Variants in KANK1 observed in about 807,000 individuals in gnomAD.
KANK1 encodes KN motif and ankyrin repeat domains 1.
A neutral mutation model predicts 106.2 loss-of-function variants in KANK1; 109 were observed. The observed-to-expected ratio is 1.03, with a 90% CI of 0.88 to 1.20. The LOEUF is 1.20. KANK1 is among the 50% of genes most tolerant of loss of function. The probability of loss-of-function intolerance (pLI) is 0.00; values close to 1 mark genes in which losing one functional copy is unlikely to be tolerated. For synonymous variants in KANK1, 873 were observed against 652.2 expected (o/e 1.34, Z -5.16); for missense variants, 2,399 against 1,710.7 (o/e 1.40, Z -7.10).
chr9:632,905 G>A (rs76127117), intron 1 of KANK1, among the ~76,000 whole-genome samples: 22,431 of 151,916 alleles, frequency 0.15, 1,805 homozygotes, highest in Admixed American at 0.17. Context: ...TGTTTGCCAG[G>A]CTGGTCTGGA....
intron 3 of KANK1, among the ~76,000 whole-genome samples, chr9:493,028 CAAA>C (rs112780058): frequency 7.1e-5 from 7 of 98,536 alleles, no homozygotes; most frequent in Non-Finnish European, 1.2e-4. Flanking sequence ...AACTCCGTCT[CAAA>C]AAAAAAAAAA....
At chr9:668,879 T>A (rs1845271491) in intron 1 of KANK1, among the ~76,000 whole-genome samples, 1 of 152,010 alleles carries the variant, frequency 6.6e-6, no homozygotes, top group African/African-American at 2.4e-5. Flanking sequence ...TCAACCTAGA[T>A]CCTTCGCACT....
intron 1 of KANK1, among the ~76,000 whole-genome samples, chr9:514,428 G>A (rs745442484): frequency 6.7e-5 from 10 of 150,194 alleles, no homozygotes; most frequent in Non-Finnish European, 1.3e-4. Context: ...CCCAAATGGA[G>A]CCACAGACCA....
intron 1 of KANK1, among the ~76,000 whole-genome samples, chr9:633,575 T>C (rs1390451271): frequency 6.6e-6 from 1 of 152,254 alleles, no homozygotes; most frequent in Non-Finnish European, 1.5e-5. Flanking sequence ...TAGCATTGTA[T>C]CCAGATTCCT....
At chr9:598,864 T>C (rs1000207739) in intron 1 of KANK1, among the ~76,000 whole-genome samples, 2 of 150,252 alleles carry the variant, frequency 1.3e-5, no homozygotes. Flanking sequence ...ACTCCTGACC[T>C]CAGGTGATCC....
intron 3 of KANK1, among the ~76,000 whole-genome samples, chr9:721,375 T>A (rs1274059302): frequency 6.6e-6 from 1 of 152,156 alleles, no homozygotes; most frequent in Non-Finnish European, 1.5e-5. Flanking sequence ...AAGGTCTAAT[T>A]TGAGATTCCT....
chr9:538,553 G>A (rs941864360), intron 1 of KANK1, among the ~76,000 whole-genome samples: 10 of 152,296 alleles, frequency 6.6e-5, no homozygotes, highest in Non-Finnish European at 1.2e-4. Flanking sequence ...GTTCAAGTTG[G>A]AACAGTCCTA....
intron 3 of KANK1, chr9:491,957 C>G (rs1347931497): frequency 2.6e-5 from 4 of 152,210 alleles, no homozygotes; most frequent in African/African-American, 9.7e-5. Context: ...TGCCTTCCGC[C>G]ATGATTTTGA....
chr9:544,431 T>C (rs2060804539), intron 1 of KANK1, among the ~76,000 whole-genome samples: 1 of 152,204 alleles, frequency 6.6e-6, no homozygotes, highest in South Asian at 2.1e-4. Flanking sequence ...AGGGGCATTC[T>C]GTAGTCTTCG....
In KANK1 at chr9:710,949, G is replaced by A. The variant is rs117914490; in HGVS notation, c.183G>A (p.Leu61=). ...AGAAGGGAAATACCATCAAAAGACT[G>A]AACATCCAGAAGAGGCGGAAGCCGT... is the stretch of plus-strand genomic sequence containing the variant. ...DIQKGNTIKR[L]NIQKRRKPSV... Residue 61 remains leucine (L), a synonymous_variant, in exon 3 of 12, where the codon CTG becomes CTA. Coordinates refer to ENST00000382297, the MANE Select transcript of KANK1 (RefSeq NM_015158.5). The A allele has an allele frequency of 1.2e-5, 20 of 1,614,126 alleles. No individual in the cohort carries two copies. In the East Asian group the frequency reaches 3.8e-4, roughly 31 times the overall value.
rs146601472 is a variant in KANK1, at chr9:576,186, A to G, written c.-84+71432A>G. 3.1e-3 allele frequency among the ~76,000 whole-genome samples: 474 copies of G among 152,330 alleles called. 5 individuals carry two copies. In the Middle Eastern group the frequency reaches 0.037, roughly 12 times the overall value. On this transcript the variant is annotated intron_variant, in intron 1 of 11. Coordinates refer to ENST00000382297, the MANE Select transcript of KANK1 (RefSeq NM_015158.5). ...AGTCTAGGAATCTGTGTTTTTACAAAGCCCTCCACATACTTCTGATTCATG... is the reference window on the plus strand; with the variant it reads ...AGTCTAGGAATCTGTGTTTTTACAAGGCCCTCCACATACTTCTGATTCATG...
chr9:596,917 A>G (rs76030111), intron 1 of KANK1, among the ~76,000 whole-genome samples: 5,757 of 150,956 alleles, frequency 0.038, 471 homozygotes, highest in African/African-American at 0.13. Context: ...CCTCTCTCTC[A>G]TCCCTGACAA....
chr9:471,550 C>T (rs1477716225), intron 2 of KANK1: 5 of 152,184 alleles, frequency 3.3e-5, no homozygotes, highest in African/African-American at 7.2e-5. Context: ...GATAAAGTCA[C>T]AATTTCTCAT....
chr9:592,770 A>G (rs1012246842), intron 1 of KANK1, among the ~76,000 whole-genome samples: 1 of 151,948 alleles, frequency 6.6e-6, no homozygotes, highest in Non-Finnish European at 1.5e-5. Context: ...GCCACCTGCA[A>G]TTTTTGTAGT....
At chr9:518,629 C>G (rs1342291360) in intron 1 of KANK1, among the ~76,000 whole-genome samples, 4 of 151,694 alleles carry the variant, frequency 2.6e-5, no homozygotes, top group South Asian at 2.1e-4. Flanking sequence ...AGAGGAGGAG[C>G]TGGGAGGAAG....
At chr9:706,890 A>G in intron 2 of KANK1, 1 of 985,472 alleles carries the variant, frequency 1.0e-6, no homozygotes, top group Non-Finnish European at 1.2e-6. Context: ...CTAGTATAGG[A>G]AAAACAGAGC....
chr9:566,974 G>C (rs1193561072), intron 1 of KANK1, among the ~76,000 whole-genome samples: 2 of 151,760 alleles, frequency 1.3e-5, no homozygotes, highest in East Asian at 3.9e-4. Context: ...CCAGGTTTTT[G>C]AGTATTACAT....
chr9:519,324 T>A (rs1006640052), intron 1 of KANK1, among the ~76,000 whole-genome samples: 1 of 151,816 alleles, frequency 6.6e-6, no homozygotes, highest in Admixed American at 6.6e-5. Flanking sequence ...TTCCAACTTC[T>A]CAGGATCTGC....
chr9:554,870 A>T (rs994993669), intron 1 of KANK1, among the ~76,000 whole-genome samples: 2 of 152,236 alleles, frequency 1.3e-5, no homozygotes, highest in Non-Finnish European at 2.9e-5. Context: ...CTTTCGTGGC[A>T]AGGTTATCTT....
Sources: allele counts gnomAD v4.1 joint callset (sites outside exome capture counted in the v4.1 genomes callset), GRCh38; gene constraint gnomAD v4.1.1; transcripts MANE v1.5; gene names NCBI Gene and HGNC (gene_info 2026-07-23, HGNC 2026-07-21).